Variants in HCRTR2 observed in about 807,000 individuals in gnomAD.
The protein encoded by HCRTR2 is hypocretin receptor 2, also known as orexin receptor type 2.
HCRTR2 carries 22 observed loss-of-function variants against 49.0 expected under a neutral mutation model. The ratio of observed to expected loss-of-function variants is 0.45; its 90% CI spans 0.32 to 0.64. The LOEUF (loss-of-function observed/expected upper bound fraction) is 0.64, where lower values mean the gene tolerates loss of function less well. HCRTR2 is among the 30% of genes least tolerant of loss of function. HCRTR2 has a pLI of 0.04. For missense variants in HCRTR2, 491 were observed against 559.4 expected (o/e 0.88, Z 1.23); for synonymous variants, 236 against 205.3 (o/e 1.15, Z -1.28).
At chr6:55,226,711 G>GTTTTTTTTTT (rs777871106) in intron 1 of HCRTR2, among the ~76,000 whole-genome samples, 2 of 74,290 alleles carry the variant, frequency 2.7e-5, no homozygotes, top group African/African-American at 1.2e-4. Context: ...AATTCCAGGT[G>GTTTTTTTTTT]TTTTTTTTTT....
At chr6:55,270,925 T>C (rs1240520740) in intron 4 of HCRTR2, among the ~76,000 whole-genome samples, 3 of 152,182 alleles carry the variant, frequency 2.0e-5, no homozygotes. Flanking sequence ...AAAGATATTC[T>C]GTGTTTATGG....
chr6:55,249,134 C>G (rs548711020), intron 2 of HCRTR2, among the ~76,000 whole-genome samples: 2 of 151,858 alleles, frequency 1.3e-5, no homozygotes, highest in Non-Finnish European at 2.9e-5. Flanking sequence ...TTTGATTTTG[C>G]GCAAACTTTT....
chr6:55,263,859 C>T (rs769111459), intron 4 of HCRTR2, 37 bp downstream of exon 4: 1 of 1,176,176 alleles, frequency 8.5e-7, no homozygotes, highest in Non-Finnish European at 1.3e-6. Context: ...CATTATTCCT[C>T]CACACATAAT....
chr6:55,154,044 C>G lies in HCRTR2; in HGVS notation c.-377-20167C>G, dbSNP rs577196123. Among the ~76,000 whole-genome samples, 3 of 151,618 alleles carry G rather than the reference C, an allele frequency of 2.0e-5. No homozygotes were observed. In the South Asian group the frequency reaches 6.3e-4, roughly 32 times the overall value. On this transcript the variant is annotated intron_variant, in intron 1 of 7. Transcript: ENST00000615358. The stretch of plus-strand genomic sequence containing the variant: ...AACCTAGAAAAAAAATGGATAAATT[C>G]CTAGAAATACACAGTCTATCAAACT...
Position 55,157,634 on chromosome 6 carries a change from C to A in HCRTR2, c.-377-16577C>A, listed in dbSNP as rs115463469. 2.9e-3 allele frequency among the ~76,000 whole-genome samples: 440 copies of A among 152,290 alleles called. 4 individuals are homozygous for A. The highest frequency in any genetic ancestry group is 0.01 in the African/African-American group (418 of 41,532). On this transcript the variant is annotated intron_variant, in intron 1 of 7. Coordinates refer to the HCRTR2 transcript ENST00000615358. ...CCCAGCACAGCCCAAGGGTGGTAAC[C>A]ACATGGGTGCTTGTGTCACCCCTCC...
intron 4 of HCRTR2, among the ~76,000 whole-genome samples, chr6:55,275,961 A>G (rs1767069613): frequency 2.1e-5 from 1 of 46,872 alleles, no homozygotes. Context: ...TCTATCAGAG[A>G]TCATTTAGAA....
At chr6:55,126,335 T>G (rs1764276042) in intron 1 of HCRTR2, among the ~76,000 whole-genome samples, 1 of 152,192 alleles carries the variant, frequency 6.6e-6, no homozygotes. Context: ...TGTTTGTTAG[T>G]TTTCCTTCTA....
intron 1 of HCRTR2, among the ~76,000 whole-genome samples, chr6:55,125,764 T>C (rs1489810643): frequency 6.6e-6 from 1 of 152,200 alleles, no homozygotes; most frequent in African/African-American, 2.4e-5. Flanking sequence ...AGAACGTATG[T>C]TTGGTCTTTT....
At chr6:55,152,486 C>A (rs893856227) in intron 1 of HCRTR2, among the ~76,000 whole-genome samples, 2 of 151,976 alleles carry the variant, frequency 1.3e-5, no homozygotes, top group African/African-American at 4.8e-5. Context: ...TGGATATTAA[C>A]TCTTTATCTG....
intron 1 of HCRTR2, among the ~76,000 whole-genome samples, chr6:55,190,395 G>A (rs532140597): frequency 1.4e-4 from 22 of 152,236 alleles, no homozygotes; most frequent in South Asian, 4.1e-4. Context: ...ATACAGGGCC[G>A]TAGAGGAGGA....
At chr6:55,226,863 T>A (rs9357848) in intron 1 of HCRTR2, among the ~76,000 whole-genome samples, 8 of 150,432 alleles carry the variant, frequency 5.3e-5, no homozygotes, top group Admixed American at 4.6e-4. Flanking sequence ...GGACTACAGG[T>A]GCCCGCCACC....
intron 1 of HCRTR2, among the ~76,000 whole-genome samples, chr6:55,128,452 T>C (rs1009767690): frequency 6.6e-6 from 1 of 152,210 alleles, no homozygotes; most frequent in Non-Finnish European, 1.5e-5. Context: ...TCTCTAGTTC[T>C]GAGAAGAATG....
intron 1 of HCRTR2, among the ~76,000 whole-genome samples, chr6:55,158,962 G>T (rs1031599515): frequency 6.6e-6 from 1 of 152,186 alleles, no homozygotes; most frequent in African/African-American, 2.4e-5. Flanking sequence ...CTGCTAAGGG[G>T]CAGACTGCCT....
At chr6:55,121,713 G>A (rs1444966985) in intron 1 of HCRTR2, among the ~76,000 whole-genome samples, 2 of 152,110 alleles carry the variant, frequency 1.3e-5, no homozygotes, top group Admixed American at 1.3e-4. Flanking sequence ...CGTCTATTGA[G>A]ATAATCATGT....
At chr6:55,177,946 G>A (rs1417399284) in intron 1 of HCRTR2, among the ~76,000 whole-genome samples, 1 of 152,192 alleles carries the variant, frequency 6.6e-6, no homozygotes, top group Non-Finnish European at 1.5e-5. Flanking sequence ...AAGGAGCATA[G>A]GGTAAGGTTC....
chr6:55,132,529 C>T (rs4376345), intron 1 of HCRTR2, among the ~76,000 whole-genome samples: 42,594 of 151,782 alleles, frequency 0.28, 6,711 homozygotes, highest in Non-Finnish European at 0.36. Flanking sequence ...GCCTCAAGAA[C>T]AGAGAAACAG....
At chr6:55,118,798 T>C (rs188206257) in intron 1 of HCRTR2, among the ~76,000 whole-genome samples, 2 of 151,830 alleles carry the variant, frequency 1.3e-5, no homozygotes, top group East Asian at 3.9e-4. Flanking sequence ...TATTCTTTTT[T>C]AAATTATACT....
At chr6:55,246,444 A>G (rs544074198) in intron 1 of HCRTR2, among the ~76,000 whole-genome samples, 3 of 152,138 alleles carry the variant, frequency 2.0e-5, no homozygotes, top group East Asian at 1.9e-4. Context: ...ATTACCTGGT[A>G]TTATAAATGT....
At chr6:55,209,945 T>C (rs1176476030) in intron 1 of HCRTR2, among the ~76,000 whole-genome samples, 3 of 152,160 alleles carry the variant, frequency 2.0e-5, no homozygotes, top group African/African-American at 7.2e-5. Context: ...AAAAGTGAGC[T>C]CCTGCATAGA....
Sources: allele counts gnomAD v4.1 joint callset (sites outside exome capture counted in the v4.1 genomes callset), GRCh38; gene constraint gnomAD v4.1.1; transcripts MANE v1.5; gene names NCBI Gene and HGNC (gene_info 2026-07-23, HGNC 2026-07-21).